DYNC1H1: variants seen among roughly 807,000 people sequenced by gnomAD.
The protein encoded by DYNC1H1 is dynein cytoplasmic 1 heavy chain 1.
DYNC1H1 carries 51 observed loss-of-function variants against 527.1 expected under a neutral mutation model. The ratio of observed to expected loss-of-function variants is 0.10; its 90% CI spans 0.08 to 0.12. The LOEUF is 0.12. DYNC1H1 is among the 10% of genes least tolerant of loss of function. The pLI, the probability that DYNC1H1 is intolerant of heterozygous loss-of-function variation, is 1.00. For missense variants in DYNC1H1, 2,771 were observed against 5,971.8 expected (o/e 0.46, Z 17.66); for synonymous variants, 2,189 against 2,278.8 (o/e 0.96, Z 1.12).
chr14:102,010,412 G>C lies in DYNC1H1; in HGVS notation c.6358G>C (p.Glu2120Gln), dbSNP rs1187063688. 3.7e-6 allele frequency: 6 copies of C among 1,614,054 alleles called. No homozygotes were observed. The highest frequency in any genetic ancestry group is 5.1e-6 in the Non-Finnish European group (6 of 1,180,042). ...KIKREKEERGEAVDEGEIAEN... is the reference protein window; with the variant it reads ...KIKREKEERGQAVDEGEIAEN... Reference sequence around the variant, plus strand: ...AAAGAGGGAGAAAGAGGAACGAGGGGAAGCAGTTGATGAAGGAGAAATTGC... The same window carrying C: ...AAAGAGGGAGAAAGAGGAACGAGGGCAAGCAGTTGATGAAGGAGAAATTGC... Residue 2120 changes from glutamate (E) to glutamine (Q), a missense_variant, in exon 31 of 78, where the codon GAA (glutamate) becomes CAA (glutamine). Glu to Gln is a conservative substitution (Grantham distance 29, BLOSUM62 2). Coordinates refer to ENST00000360184, the MANE Select transcript of DYNC1H1 (RefSeq NM_001376.5). The surrounding 1 kb of genome is among the most constrained non-coding windows in gnomAD (Gnocchi z 6.0).
chr14:101,985,443 A>G lies in DYNC1H1; in HGVS notation c.1462-244A>G, dbSNP rs760707631. On this transcript the variant is annotated intron_variant, in intron 7 of 77. Coordinates refer to ENST00000360184, the MANE Select transcript of DYNC1H1 (RefSeq NM_001376.5). This position sits in a 1 kb window ranked among gnomAD's most constrained non-coding sequence, Gnocchi z 5.9. ...GGGTTCAAGCGATTCTCCTGTCTCA[A>G]CTTCCCAAGTAGCTGGGAATACAGG... Among the ~76,000 whole-genome samples the G allele has an allele frequency of 6.6e-6, 1 of 151,884 alleles. No individual in the cohort carries two copies. Among genetic ancestry groups the G allele is most frequent in the Non-Finnish European group, 1.5e-5 (1 of 67,986 alleles).
At position 102,049,609 on chromosome 14, in the gene DYNC1H1, G is replaced by A; in HGVS notation, c.13515+27G>A. ...TGAAGGCGCTCCTGACGAGTCTCGG[G>A]TGGTCAGCAGCTGTCCTGGGCTGGG... On this transcript the variant is annotated intron_variant, in intron 75 of 77. Coordinates refer to ENST00000360184, the MANE Select transcript of DYNC1H1 (RefSeq NM_001376.5). The surrounding 1 kb of genome is among the most constrained non-coding windows in gnomAD (Gnocchi z 5.5). 14 of 1,613,396 alleles carry A rather than the reference G, an allele frequency of 8.7e-6. No homozygotes were observed. Among genetic ancestry groups the A allele is most frequent in the Non-Finnish European group, 1.1e-5 (13 of 1,180,018 alleles).
chr14:102,044,669 A>G lies in DYNC1H1; in HGVS notation c.12977A>G (p.Asn4326Ser). 6.2e-7 allele frequency: 1 copy of G among 1,614,010 alleles called. No homozygotes were observed. Among genetic ancestry groups the G allele is most frequent in the African/African-American group, 1.3e-5 (1 of 75,034 alleles). ...CCCTCCTGGCTGGGCCTGCCCAACA[A>G]CGCCGAGAGAGTCCTCCTTACCACA... Reference protein sequence around the residue: ...QTPSWLGLPNNAERVLLTTQG... With the variant: ...QTPSWLGLPNSAERVLLTTQG... Residue 4326 changes from asparagine (N) to serine (S), a missense_variant, in exon 72 of 78, where the codon AAC (asparagine) becomes AGC (serine). Physicochemically the swap from Asn to Ser is conservative, Grantham distance 46. Coordinates refer to ENST00000360184, the MANE Select transcript of DYNC1H1 (RefSeq NM_001376.5). The surrounding 1 kb of genome is among the most constrained non-coding windows in gnomAD (Gnocchi z 7.1).
chr14:102,008,512 G>A (rs886523850), intron 29 of DYNC1H1, among the ~76,000 whole-genome samples, 175 bp downstream of exon 29: 24 of 152,156 alleles, frequency 1.6e-4, no homozygotes, highest in African/African-American at 5.3e-4. Flanking sequence ...CCCAGGCCAG[G>A]CGTAGTGGCT....
rs542448148 is a variant in DYNC1H1 at position 101,970,337 on chromosome 14, A to G, written c.257-5375A>G. Among the ~76,000 whole-genome samples the G allele has an allele frequency of 3.3e-5, 5 of 152,126 alleles. No individual in the cohort carries two copies. In the East Asian group the frequency reaches 5.8e-4, roughly 18 times the overall value. ...GCCCCTCAGGAGGATGAAAGGGTGGACATGCAGGTGACAAGAGAAAGCGCC... is the reference window on the plus strand; with the variant it reads ...GCCCCTCAGGAGGATGAAAGGGTGGGCATGCAGGTGACAAGAGAAAGCGCC... On this transcript the variant is annotated intron_variant, in intron 1 of 77. Coordinates refer to ENST00000360184, the MANE Select transcript of DYNC1H1 (RefSeq NM_001376.5).
intron 16 of DYNC1H1, among the ~76,000 whole-genome samples, chr14:101,999,739 A>G (rs1296620853): frequency 1.3e-5 from 2 of 152,224 alleles, no homozygotes; most frequent in Non-Finnish European, 2.9e-5. Context: ...GTACTGAATA[A>G]GACAATGGCT....
chr14:102,020,087 A>G lies in DYNC1H1; in HGVS notation c.8507+31A>G, dbSNP rs375816004. 3.2e-5 allele frequency: 51 copies of G among 1,612,336 alleles called. No individual in the cohort carries two copies. The highest frequency in any genetic ancestry group is 1.8e-4 in the Middle Eastern group (1 of 5,712). On this transcript the variant is annotated intron_variant, in intron 42 of 77. Coordinates refer to ENST00000360184, the MANE Select transcript of DYNC1H1 (RefSeq NM_001376.5). The surrounding 1 kb of genome is among the most constrained non-coding windows in gnomAD (Gnocchi z 4.3). The stretch of plus-strand genomic sequence containing the variant: ...GGAAGCCGAGGATCCAGTTGGTCCC[A>G]TTCTCCCCTGCTCTGAGTTCTTACA...
intron 18 of DYNC1H1, chr14:102,000,708 G>T (rs1054062778): frequency 4.0e-6 from 2 of 505,622 alleles, no homozygotes; most frequent in African/African-American, 3.9e-5. Flanking sequence ...CCTAGTAGCT[G>T]GGATTACAGG....
chr14:102,026,733 C>T, intron 44 of DYNC1H1, 26 bp downstream of exon 44: 1 of 1,611,146 alleles, frequency 6.2e-7, no homozygotes, highest in East Asian at 2.2e-5. Flanking sequence ...GTTACAGCCC[C>T]ACCTCTCGCC....
In DYNC1H1 at chr14:102,041,861, C is replaced by A; in HGVS notation, c.12102+127C>A. On this transcript the variant is annotated intron_variant, in intron 65 of 77. Transcript: ENST00000360184. This position sits in a 1 kb window ranked among gnomAD's most constrained non-coding sequence, Gnocchi z 4.5. ...GTCTCCTCCTAAGACCAGGAACTCG[C>A]TGCAGATTCTCAACTCCTGGCTGCA... 1 of 1,530,016 alleles carries A rather than the reference C, an allele frequency of 6.5e-7. No individual in the cohort carries two copies. 94.8% of individuals were successfully genotyped at this position (1,530,016 alleles called of 1,614,324 possible). A position where few individuals can be genotyped will look rare whatever the true frequency, so the allele number is the denominator to read the frequency against.
intron 1 of DYNC1H1, among the ~76,000 whole-genome samples, chr14:101,973,746 G>A (rs181629171): frequency 6.6e-6 from 1 of 152,204 alleles, no homozygotes; most frequent in Non-Finnish European, 1.5e-5. Flanking sequence ...CAAGACTACA[G>A]TGAGGTGTGA....
At chr14:101,994,151 C>T (rs1267773067) in intron 11 of DYNC1H1, 33 bp from the exon 12 acceptor site, 9 of 1,614,060 alleles carry the variant, frequency 5.6e-6, no homozygotes, top group Admixed American at 5.0e-5. Context: ...TTCATATACA[C>T]TGCTTGCATT....
intron 1 of DYNC1H1, among the ~76,000 whole-genome samples, chr14:101,970,593 C>G (rs531588056): frequency 6.7e-6 from 1 of 148,264 alleles, no homozygotes; most frequent in Admixed American, 6.8e-5. Flanking sequence ...AGTGATTCTC[C>G]TGTCTCAGCC....
Position 102,041,318 on chromosome 14 carries a change from A to C in DYNC1H1, c.11942-256A>C. ...AGGTGTTCTCAGGAAGTGAGCAGGT[A>C]TTAGTTTAGTAATCTAAAAATCAGC... On this transcript the variant is annotated intron_variant, in intron 64 of 77. Coordinates refer to ENST00000360184, the MANE Select transcript of DYNC1H1 (RefSeq NM_001376.5). This position sits in a 1 kb window ranked among gnomAD's most constrained non-coding sequence, Gnocchi z 4.5. 1.8e-6 allele frequency: 1 copy of C among 541,770 alleles called. No individual in the cohort carries two copies. The highest frequency in any genetic ancestry group is 3.3e-6 in the Non-Finnish European group (1 of 299,464). The allele number at this position is 541,770 out of a possible 1,614,324, so 33.6% of individuals were successfully genotyped here. A position where few individuals can be genotyped will look rare whatever the true frequency, so the allele number is the denominator to read the frequency against.
intron 28 of DYNC1H1, among the ~76,000 whole-genome samples, chr14:102,007,454 CAG>C (rs765378387): frequency 7.9e-5 from 12 of 152,050 alleles, no homozygotes; most frequent in Non-Finnish European, 1.2e-4. Context: ...AGAATAAAAA[CAG>C]TAGCTTTGTC....
chr14:102,018,362 G>A lies in DYNC1H1; in HGVS notation c.8178-89G>A. 6.4e-7 allele frequency: 1 copy of A among 1,550,566 alleles called. No homozygotes were observed. The highest frequency in any genetic ancestry group is 8.7e-7 in the Non-Finnish European group (1 of 1,150,696). On this transcript the variant is annotated intron_variant, in intron 40 of 77. Coordinates refer to ENST00000360184, the MANE Select transcript of DYNC1H1 (RefSeq NM_001376.5). The surrounding 1 kb of genome is among the most constrained non-coding windows in gnomAD (Gnocchi z 5.2). ...GGTTAGGAAGCGACCTCCAGACAGG[G>A]CCCTGGACAGGGCGACTCCACTGGC...
At chr14:101,988,665 A>G (rs984126882) in intron 9 of DYNC1H1, 38 bp from the exon 10 acceptor site, 1 of 1,613,850 alleles carries the variant, frequency 6.2e-7, no homozygotes, top group African/African-American at 1.3e-5. Context: ...GCTAACTTTT[A>G]GAAGAAACAC....
At position 101,999,999 on chromosome 14, in the gene DYNC1H1, G is replaced by C; in HGVS notation, c.3815G>C (p.Arg1272Pro). Reference protein sequence around the residue: ...EKTKPVTGNLRPEEALQALTI... With the variant: ...EKTKPVTGNLPPEEALQALTI... ...TCTGACTGCTTTCAGGGCAACCTTC[G>C]CCCAGAAGAGGCACTTCAGGCTCTC... Residue 1272 changes from arginine (R) to proline (P), a missense_variant, in exon 17 of 78, where the codon CGC (arginine) becomes CCC (proline). Coordinates refer to ENST00000360184, the MANE Select transcript of DYNC1H1 (RefSeq NM_001376.5). The C allele has an allele frequency of 6.2e-7, 1 of 1,614,150 alleles. No homozygotes were observed. Among genetic ancestry groups the C allele is most frequent in the Non-Finnish European group, 8.5e-7 (1 of 1,180,032 alleles).
Position 102,042,816 on chromosome 14 carries a change from A to C in DYNC1H1, c.12513+68A>C. The C allele has an allele frequency of 6.4e-7, 1 of 1,568,456 alleles. No homozygotes were observed. The highest frequency in any genetic ancestry group is 8.7e-7 in the Non-Finnish European group (1 of 1,148,030). ...AAAGCCCAGTCCCATCACCAAATGC[A>C]GAAGTGGGTCCCTGGGCCCCCGGAA... On this transcript the variant is annotated intron_variant, in intron 69 of 77. Coordinates refer to ENST00000360184, the MANE Select transcript of DYNC1H1 (RefSeq NM_001376.5). The surrounding 1 kb of genome is among the most constrained non-coding windows in gnomAD (Gnocchi z 5.7).
Sources: gnomAD v4.1 joint callset for allele counts (sites outside exome capture counted in the v4.1 genomes callset) on GRCh38, gnomAD v4.1.1 for gene constraint, Gnocchi (gnomAD v3.1) non-coding constraint, MANE v1.5 for transcripts, NCBI Gene and HGNC (gene_info 2026-07-23, HGNC 2026-07-21) for gene names.